TNC: variants seen among roughly 807,000 people sequenced by gnomAD.
The protein encoded by TNC is tenascin.
TNC carries 109 observed loss-of-function variants against 202.4 expected under a neutral mutation model. The ratio of observed to expected loss-of-function variants is 0.54; its 90% CI spans 0.46 to 0.63. The LOEUF (loss-of-function observed/expected upper bound fraction) is 0.63. TNC is among the 30% of genes least tolerant of loss of function. The pLI is 0.00. For synonymous variants in TNC, 1,007 were observed against 1,089.7 expected (o/e 0.92, Z 1.50); for missense variants, 2,756 against 2,833.3 (o/e 0.97, Z 0.62).
chr9:115,058,256 G>C (rs1350935701), intron 14 of TNC, among the ~76,000 whole-genome samples: 1 of 152,204 alleles, frequency 6.6e-6, no homozygotes, highest in African/African-American at 2.4e-5. Context: ...AGCAGGGTTT[G>C]AAAAGCTAGT....
intron 6 of TNC, 62 bp from the exon 7 acceptor site, chr9:115,078,274 A>T: frequency 6.6e-7 from 1 of 1,525,288 alleles, no homozygotes; most frequent in Non-Finnish European, 8.8e-7. Flanking sequence ...GGCTTAGCAG[A>T]GAGAGGACTT....
chr9:115,030,103 G>A (rs1829831038), intron 24 of TNC, 151 bp downstream of exon 24: 2 of 731,034 alleles, frequency 2.7e-6, no homozygotes, highest in African/African-American at 3.5e-5. Context: ...GAATTCCTGA[G>A]TGCCTCTGTG....
rs1357968241 is a variant in TNC at position 115,046,521 on chromosome 9, C to T, written c.5014G>A (p.Glu1672Lys). 2.5e-6 allele frequency: 4 copies of T among 1,614,090 alleles called. No individual in the cohort carries two copies. The highest frequency in any genetic ancestry group is 2.7e-5 in the African/African-American group (2 of 75,018). ...EPLEITLLAPERTRDITGLRE... is the reference protein window; with the variant it reads ...EPLEITLLAPKRTRDITGLRE... ...AGACCTGTTATGTCCCTGGTACGTTCGGGGGCAAGTAGGGTTATTTCCAGT... is the reference window on the plus strand; with the variant it reads ...AGACCTGTTATGTCCCTGGTACGTTTGGGGGCAAGTAGGGTTATTTCCAGT... Residue 1672 changes from glutamate (E) to lysine (K), a missense_variant, in exon 17 of 28, where the codon GAA (glutamate) becomes AAA (lysine). Glu to Lys is a moderately conservative substitution (Grantham distance 56). Transcript: ENST00000350763.
chr9:115,061,228 GTCTGAGCAACC>G (rs1832521454), intron 13 of TNC, among the ~76,000 whole-genome samples: 1 of 152,170 alleles, frequency 6.6e-6, no homozygotes, highest in African/African-American at 2.4e-5. Context: ...CCCTGTGAGA[GTCTGAGCAACC>G]TCTGAGCAAC....
chr9:115,097,937 T>A (rs1835919883), intron 1 of TNC, among the ~76,000 whole-genome samples: 1 of 152,204 alleles, frequency 6.6e-6, no homozygotes, highest in South Asian at 2.1e-4. Context: ...GGCACCTCTG[T>A]AAGGCTAGGT....
chr9:115,109,699 C>T (rs1836891465), intron 1 of TNC, among the ~76,000 whole-genome samples: 1 of 152,168 alleles, frequency 6.6e-6, no homozygotes, highest in Non-Finnish European at 1.5e-5. Context: ...GTGTTTTTAT[C>T]CTGAAGGCCA....
At position 115,082,839 on chromosome 9, in the gene TNC, A is replaced by T. The variant is rs762823629; in HGVS notation, c.2132-32T>A. 7 of 1,511,734 alleles carry T rather than the reference A, an allele frequency of 4.6e-6. No individual in the cohort carries two copies. The African/African-American group carries it at 6.9e-5, about 15-fold the overall frequency. 93.6% of individuals were successfully genotyped at this position (1,511,734 alleles called of 1,614,324 possible). On this transcript the variant is annotated intron_variant, in intron 4 of 27. Coordinates refer to ENST00000350763, the MANE Select transcript of TNC (RefSeq NM_002160.4). ...GTAACAACATAAATAGAACGTAAGGATAGGGCAGGTGTGTGATTGGGCAAC... is the reference window on the plus strand; with the variant it reads ...GTAACAACATAAATAGAACGTAAGGTTAGGGCAGGTGTGTGATTGGGCAAC...
intron 5 of TNC, among the ~76,000 whole-genome samples, chr9:115,082,461 T>C (rs1328728010): frequency 6.6e-6 from 1 of 152,232 alleles, no homozygotes; most frequent in Non-Finnish European, 1.5e-5. Flanking sequence ...AACCTTGAGG[T>C]GACAACTTCT....
Position 115,087,199 on chromosome 9 carries a change from G to T in TNC, c.532C>A (p.Pro178Thr). 2 of 1,614,236 alleles carry T rather than the reference G, an allele frequency of 1.2e-6. No individual in the cohort carries two copies. The highest frequency in any genetic ancestry group is 1.3e-5 in the African/African-American group (1 of 75,062). ...GAGCAGTTGGGGCCTTTCCAGCCAG[G>T]TTCGCAGACACAGCCACATCCTTCA... ...STEGCGCVCE[P>T]GWKGPNCSEP... Residue 178 changes from proline to threonine, a missense_variant, in exon 3 of 28, where the codon CCT becomes ACT. Physicochemically the swap from Pro to Thr is conservative, Grantham distance 38. Around this residue, in one of 2 missense-constraint regions of TNC, gnomAD observed 2,559 missense variants for 2,546.0 expected, o/e 1.01. Transcript: ENST00000350763.
In TNC at chr9:115,057,420, C is replaced by A. The variant is rs1832217307; in HGVS notation, c.4312G>T (p.Glu1438Ter). The change falls in exon 15 of 28, where the codon GAA becomes TAA. Residue 1438 changes from glutamate to a stop codon, truncating the protein, a stop_gained. Transcript: ENST00000350763. LOFTEE classifies it high-confidence loss of function. Reference sequence around the variant, plus strand: ...ACATTTAAGTTTCCAATTTCAGGTTCTTTGGCTGTAAAAGGAAGGGGTAGG... The same window carrying A: ...ACATTTAAGTTTCCAATTTCAGGTTATTTGGCTGTAAAAGGAAGGGGTAGG... ...VLSAEASTAK[E>*]PEIGNLNVSD... 6.2e-7 allele frequency: 1 copy of A among 1,606,420 alleles called. No homozygotes were observed. Among genetic ancestry groups the A allele is most frequent in the Admixed American group, 1.7e-5 (1 of 59,566 alleles).
At chr9:115,097,538 C>G (rs1386425601) in intron 1 of TNC, among the ~76,000 whole-genome samples, 1 of 151,978 alleles carries the variant, frequency 6.6e-6, no homozygotes. Context: ...AAAGACATCT[C>G]AAAAAAGTGG....
chr9:115,099,177 A>G (rs562916169), intron 1 of TNC, among the ~76,000 whole-genome samples: 1 of 152,162 alleles, frequency 6.6e-6, no homozygotes, highest in East Asian at 1.9e-4. Flanking sequence ...AGGACTGAGA[A>G]TTAATTTCTA....
At chr9:115,065,031 T>A in intron 10 of TNC, 112 bp from the exon 11 acceptor site, 1 of 1,246,754 alleles carries the variant, frequency 8.0e-7, no homozygotes, top group Non-Finnish European at 1.1e-6. Context: ...GCAGTCCAAG[T>A]GCCAGGCTTT....
chr9:115,029,678 T>C (rs1247071557), intron 24 of TNC, among the ~76,000 whole-genome samples: 1 of 152,160 alleles, frequency 6.6e-6, no homozygotes, highest in Non-Finnish European at 1.5e-5. Context: ...TGGGTGATAA[T>C]GATGTGTCAA....
At position 115,060,015 on chromosome 9, in the gene TNC, A is replaced by G; in HGVS notation, c.4034-13T>C. 3 of 1,603,924 alleles carry G rather than the reference A, an allele frequency of 1.9e-6. No individual in the cohort carries two copies. The highest frequency in any genetic ancestry group is 1.1e-5 in the South Asian group (1 of 89,602). On this transcript the variant is annotated splice_polypyrimidine_tract_variant and intron_variant, in intron 13 of 27. Transcript: ENST00000350763. Reference sequence around the variant, plus strand: ...TGTGGGAGATCCTCTGAAGAAGGACAGAAAAGTATTTGTCAGTTCTATAAA... The same window carrying G: ...TGTGGGAGATCCTCTGAAGAAGGACGGAAAAGTATTTGTCAGTTCTATAAA...
At chr9:115,057,547 C>A in intron 14 of TNC, 122 bp from the exon 15 acceptor site, 1 of 1,074,268 alleles carries the variant, frequency 9.3e-7, no homozygotes, top group South Asian at 1.6e-5. Flanking sequence ...TAATTCAGGG[C>A]TATGATGGAA....
intron 10 of TNC, among the ~76,000 whole-genome samples, chr9:115,070,786 C>T (rs1251936082): frequency 6.6e-6 from 1 of 152,228 alleles, no homozygotes; most frequent in African/African-American, 2.4e-5. Flanking sequence ...TGCAACATTT[C>T]AGGACTTATA....
intron 15 of TNC, among the ~76,000 whole-genome samples, chr9:115,051,182 T>C (rs886292036): frequency 4.6e-5 from 7 of 152,164 alleles, no homozygotes; most frequent in Non-Finnish European, 1.0e-4. Flanking sequence ...GCTGCCACCA[T>C]TTGGCAGCAT....
chr9:115,078,080 C>T lies in TNC; in HGVS notation c.2537G>A (p.Arg846His), dbSNP rs201633665. 141 of 1,614,114 alleles carry T rather than the reference C, an allele frequency of 8.7e-5. 1 individual carries two copies. In the South Asian group the frequency reaches 9.9e-4, roughly 11 times the overall value. ...TYGIKDVPGD[R>H]TTIDLTEDEN... ...GTCCTCTGTGAGATCGATGGTGGTA[C>T]GGTCTCCTGGCACGTCTTTGATGCC... Residue 846 changes from arginine (R) to histidine (H), a missense_variant, in exon 7 of 28, where the codon CGT (arginine) becomes CAT (histidine). Physicochemically the swap from Arg to His is conservative, Grantham distance 29. This residue lies in a region of TNC where 2,559 missense variants were observed against 2,546.0 expected (regional missense o/e 1.01). Transcript: ENST00000350763.
Sources: allele counts gnomAD v4.1 joint callset (sites outside exome capture counted in the v4.1 genomes callset), GRCh38; gene constraint gnomAD v4.1.1; regional missense constraint gnomAD v4.1.1; transcripts MANE v1.5; gene names NCBI Gene and HGNC (gene_info 2026-07-23, HGNC 2026-07-21).